Variants in SLC30A8 observed in about 807,000 individuals in gnomAD.
SLC30A8 encodes proton-coupled zinc antiporter SLC30A8.
SLC30A8 carries 27 observed loss-of-function variants against 36.9 expected under a neutral mutation model. The ratio of observed to expected loss-of-function variants is 0.73; its 90% CI spans 0.54 to 1.01. The LOEUF is 1.01. SLC30A8 is among the 50% of genes least tolerant of loss of function. SLC30A8 has a pLI of 0.00. For synonymous variants in SLC30A8, 164 were observed against 172.4 expected, an observed-to-expected ratio of 0.95 and a Z score of 0.38; for missense variants, 439 against 452.0, an observed-to-expected ratio of 0.97 and a Z score of 0.26.
intron 1 of SLC30A8, among the ~76,000 whole-genome samples, chr8:116,993,413 T>G (rs1586372446): frequency 6.6e-6 from 1 of 152,144 alleles, no homozygotes; most frequent in East Asian, 1.9e-4. Context: ...AACTGTCTAC[T>G]AGAGGAAGAA....
At chr8:116,986,795 A>T (rs2130654178) in intron 1 of SLC30A8, among the ~76,000 whole-genome samples, 1 of 152,304 alleles carries the variant, frequency 6.6e-6, no homozygotes, top group East Asian at 1.9e-4. Context: ...CATAATGATG[A>T]TCCTCATAAA....
At position 117,034,569 on chromosome 8, in the gene SLC30A8, G is replaced by A. The variant is rs558284041; in HGVS notation, c.-265-4650G>A. On this transcript the variant is annotated intron_variant, in intron 1 of 10. Transcript: ENST00000427715. Reference sequence around the variant, plus strand: ...GGAGTGGTGAGACTTACCCAACATAGCACAACTAGAAGGTGCTAGAGCTGG... The same window carrying A: ...GGAGTGGTGAGACTTACCCAACATAACACAACTAGAAGGTGCTAGAGCTGG... Among the ~76,000 whole-genome samples the A allele has an allele frequency of 4.6e-5, 7 of 152,264 alleles. No homozygotes were observed. The East Asian group carries it at 1.4e-3, about 29-fold the overall frequency.
chr8:117,168,499 TC>T (rs1198905331), intron 6 of SLC30A8, among the ~76,000 whole-genome samples: 2 of 151,928 alleles, frequency 1.3e-5, no homozygotes, highest in Non-Finnish European at 2.9e-5. Context: ...TTTTTCAGAC[TC>T]CCCCCCAAGT....
intron 1 of SLC30A8, among the ~76,000 whole-genome samples, chr8:116,983,593 A>G (rs933743140): frequency 2.6e-5 from 4 of 152,156 alleles, no homozygotes; most frequent in Non-Finnish European, 5.9e-5. Context: ...AACTTTTATC[A>G]ACACGAAATG....
At chr8:117,132,203 A>G (rs1024510965), upstream of SLC30A8, among the ~76,000 whole-genome samples, 2 of 152,050 alleles carry the variant, frequency 1.3e-5, no homozygotes, top group Non-Finnish European at 2.9e-5. Flanking sequence ...TCTAGGGATA[A>G]TGATGGTAGC....
intron 1 of SLC30A8, among the ~76,000 whole-genome samples, chr8:117,038,842 G>A (rs1210749669): frequency 1.3e-5 from 2 of 152,204 alleles, no homozygotes; most frequent in Non-Finnish European, 2.9e-5. Context: ...AAGATAGCTT[G>A]TTGTTAGGTC....
At position 116,971,176 on chromosome 8, in the gene SLC30A8, G is replaced by A. The variant is rs556673918; in HGVS notation, c.-266+20057G>A. Reference sequence around the variant, plus strand: ...AATGCATGTTGAGCTGAATACCTAGGTGATGGGTTGATAGGTGCAGCAAAC... The same window carrying A: ...AATGCATGTTGAGCTGAATACCTAGATGATGGGTTGATAGGTGCAGCAAAC... On this transcript the variant is annotated intron_variant, in intron 1 of 10. Coordinates refer to the SLC30A8 transcript ENST00000427715. Among the ~76,000 whole-genome samples, 27 of 152,174 alleles carry A rather than the reference G, an allele frequency of 1.8e-4. 1 individual carries two copies. The South Asian group carries it at 5.2e-3, about 29-fold the overall frequency.
chr8:117,092,724 T>G (rs1819185337), intron 2 of SLC30A8, among the ~76,000 whole-genome samples: 1 of 152,162 alleles, frequency 6.6e-6, no homozygotes, highest in Non-Finnish European at 1.5e-5. Context: ...GAGACCCTGG[T>G]ACAAGCTGGG....
At chr8:117,033,803 G>A (rs542293879) in intron 1 of SLC30A8, among the ~76,000 whole-genome samples, 2 of 152,284 alleles carry the variant, frequency 1.3e-5, no homozygotes, top group South Asian at 4.1e-4. Flanking sequence ...GAAAAGGCAA[G>A]CAACAAAACC....
chr8:116,984,315 G>A (rs553274729), intron 1 of SLC30A8, among the ~76,000 whole-genome samples: 1 of 151,996 alleles, frequency 6.6e-6, no homozygotes, highest in East Asian at 1.9e-4. Flanking sequence ...CATTTCTCTG[G>A]GATAAATATC....
rs1219240859 is a variant in SLC30A8, at chr8:117,135,296, G to A, written c.-32G>A. ...ACTGGGCAGTGAGTTCAACAACAAC[G>A]ACAACAACAGCCGCAGCTCATCCTG... On this transcript the variant is annotated 5_prime_UTR_variant, in exon 1 of 8. Transcript: ENST00000456015. 7.1e-6 allele frequency: 11 copies of A among 1,553,026 alleles called. No homozygotes were observed. Among genetic ancestry groups the A allele is most frequent in the South Asian group, 2.5e-5 (2 of 81,276 alleles).
intron 2 of SLC30A8, among the ~76,000 whole-genome samples, chr8:117,071,697 C>T (rs1406443574): frequency 6.6e-6 from 1 of 152,054 alleles, no homozygotes; most frequent in African/African-American, 2.4e-5. Flanking sequence ...ATATTTATGC[C>T]TGTAATTGGT....
At chr8:117,151,393 TAA>T (rs2130980754) in intron 2 of SLC30A8, among the ~76,000 whole-genome samples, 1 of 152,370 alleles carries the variant, frequency 6.6e-6, no homozygotes, top group Non-Finnish European at 1.5e-5. Flanking sequence ...TAATTGTCAG[TAA>T]TACTCCATGC....
chr8:117,124,782 C>T (rs1820834790), intron 2 of SLC30A8, among the ~76,000 whole-genome samples: 1 of 151,296 alleles, frequency 6.6e-6, no homozygotes, highest in Non-Finnish European at 1.5e-5. Context: ...GAACCATAGA[C>T]ACTGTGGACT....
At chr8:117,026,695 C>T (rs1586415746) in intron 1 of SLC30A8, among the ~76,000 whole-genome samples, 1 of 152,144 alleles carries the variant, frequency 6.6e-6, no homozygotes, top group African/African-American at 2.4e-5. Flanking sequence ...TTCCTGCTTC[C>T]CTTATCTGCA....
chr8:117,023,870 A>T (rs1816789989), intron 1 of SLC30A8, among the ~76,000 whole-genome samples: 1 of 152,118 alleles, frequency 6.6e-6, no homozygotes, highest in South Asian at 2.1e-4. Context: ...TAAAAAAAAA[A>T]GAACATTATC....
intron 2 of SLC30A8, among the ~76,000 whole-genome samples, chr8:117,086,039 T>C (rs917090949): frequency 1.3e-5 from 2 of 152,192 alleles, no homozygotes; most frequent in Admixed American, 6.5e-5. Context: ...ATGGCTCTTT[T>C]GAAAATGTTT....
intron 2 of SLC30A8, among the ~76,000 whole-genome samples, chr8:117,152,221 C>A (rs544987172): frequency 1.4e-4 from 22 of 152,240 alleles, no homozygotes; most frequent in Non-Finnish European, 2.6e-4. Context: ...AAGGAAAGGG[C>A]AAGGTTTTTC....
chr8:117,022,860 A>G (rs933296965), intron 1 of SLC30A8, among the ~76,000 whole-genome samples: 7 of 152,338 alleles, frequency 4.6e-5, no homozygotes, highest in Non-Finnish European at 8.8e-5. Context: ...TGGCAACAAA[A>G]GCCAAAATTG....
Sources: gnomAD v4.1 joint callset for allele counts (sites outside exome capture counted in the v4.1 genomes callset) on GRCh38, gnomAD v4.1.1 for gene constraint, MANE v1.5 for transcripts, NCBI Gene and HGNC (gene_info 2026-07-23, HGNC 2026-07-21) for gene names.